PRKCA: variants seen among roughly 807,000 people sequenced by gnomAD.
PRKCA encodes protein kinase C alpha type.
PRKCA carries 27 observed loss-of-function variants against 87.0 expected under a neutral mutation model. The observed-to-expected ratio is 0.31, with a 90% CI of 0.23 to 0.43. The LOEUF (loss-of-function observed/expected upper bound fraction) is 0.43, where lower values mean the gene tolerates loss of function less well. Ranked by LOEUF, PRKCA falls within the 20% of genes least tolerant of loss-of-function variation. The pLI, the probability that PRKCA is intolerant of heterozygous loss-of-function variation, is 1.00. For synonymous variants in PRKCA, 329 were observed against 311.1 expected, an observed-to-expected ratio of 1.06 and a Z score of -0.61; for missense variants, 518 against 852.3, an observed-to-expected ratio of 0.61 and a Z score of 4.88.
intron 3 of PRKCA, among the ~76,000 whole-genome samples, chr17:66,549,095 C>T (rs887894249): frequency 3.0e-4 from 46 of 151,322 alleles, no homozygotes; most frequent in Non-Finnish European, 5.9e-5. Context: ...CATGAGCCAC[C>T]GTGCCGGGCC....
chr17:66,439,821 A>C (rs1426966714), intron 2 of PRKCA, among the ~76,000 whole-genome samples: 3 of 152,180 alleles, frequency 2.0e-5, no homozygotes, highest in Non-Finnish European at 4.4e-5. Context: ...TGTGCATTTT[A>C]CCTTAAGGAC....
At chr17:66,512,523 A>G (rs1025980574) in intron 3 of PRKCA, among the ~76,000 whole-genome samples, 1 of 150,898 alleles carries the variant, frequency 6.6e-6, no homozygotes, top group Admixed American at 6.6e-5. Context: ...CACAAGGCCC[A>G]TCATGATTGT....
chr17:66,584,606 G>A (rs1969537952), intron 3 of PRKCA, among the ~76,000 whole-genome samples: 4 of 152,028 alleles, frequency 2.6e-5, no homozygotes. Flanking sequence ...ATGTCAGGAG[G>A]GCCACACTCC....
At chr17:66,655,863 A>G (rs529649665) in intron 5 of PRKCA, among the ~76,000 whole-genome samples, 4 of 99,920 alleles carry the variant, frequency 4.0e-5, no homozygotes, top group African/African-American at 1.4e-4. Context: ...ATAAAGCCAC[A>G]TGGCTCTGGG....
At chr17:66,591,496 A>G (rs1395055607) in intron 3 of PRKCA, among the ~76,000 whole-genome samples, 1 of 152,184 alleles carries the variant, frequency 6.6e-6, no homozygotes, top group Non-Finnish European at 1.5e-5. Context: ...GGAAACTGTT[A>G]GAACAGAAAA....
chr17:66,457,617 G>T (rs1200300353), intron 2 of PRKCA, among the ~76,000 whole-genome samples: 1 of 152,104 alleles, frequency 6.6e-6, no homozygotes, highest in Non-Finnish European at 1.5e-5. Flanking sequence ...AATCATGGGG[G>T]TAGTTACCTC....
rs370637100 is a variant in PRKCA at position 66,532,684 on chromosome 17, C to T, written c.288+36401C>T. On this transcript the variant is annotated intron_variant, in intron 3 of 16. Transcript: ENST00000413366. Reference sequence around the variant, plus strand: ...CATCCTTGAAGTTTAACTGCAACCCCATCTCCTTCCCTCTTTGCATGGGGT... The same window carrying T: ...CATCCTTGAAGTTTAACTGCAACCCTATCTCCTTCCCTCTTTGCATGGGGT... Among the ~76,000 whole-genome samples the T allele has an allele frequency of 3.2e-4, 49 of 152,240 alleles. No individual in the cohort carries two copies. In the East Asian group the frequency reaches 8.1e-3, roughly 25 times the overall value.
rs552633887 is a variant in PRKCA at position 66,709,301 on chromosome 17, C to CTTTTTTTTTT, written c.918+20272_918+20281dup. The stretch of plus-strand genomic sequence containing the variant: ...AGAGAAGTCTCTTTTGAGATGATTT[C>CTTTTTTTTTT]TTTTTTTTTTTTTTTTTTTTTTTTT... On this transcript the variant is annotated intron_variant, in intron 8 of 16. Coordinates refer to ENST00000413366, the MANE Select transcript of PRKCA (RefSeq NM_002737.3). Among the ~76,000 whole-genome samples the CTTTTTTTTTT allele has an allele frequency of 1.9e-4, 16 of 84,908 alleles. 2 individuals are homozygous for CTTTTTTTTTT. The highest frequency in any genetic ancestry group is 6.3e-4 in the African/African-American group (13 of 20,640). The allele number at this position is 84,908 out of a possible 152,430, so 55.7% of individuals were successfully genotyped here. A position where few individuals can be genotyped will look rare whatever the true frequency, so the allele number is the denominator to read the frequency against.
chr17:66,602,703 G>GTAGC (rs1452368722), intron 3 of PRKCA, among the ~76,000 whole-genome samples: 1 of 152,244 alleles, frequency 6.6e-6, no homozygotes, highest in Admixed American at 6.5e-5. Context: ...ATCTGAACAT[G>GTAGC]TAGCAGGCGT....
intron 2 of PRKCA, among the ~76,000 whole-genome samples, chr17:66,370,671 C>T (rs1054591343): frequency 6.6e-6 from 1 of 150,934 alleles, no homozygotes; most frequent in African/African-American, 2.4e-5. Flanking sequence ...CCACCTCAGA[C>T]TCCCAAGTAG....
intron 2 of PRKCA, among the ~76,000 whole-genome samples, chr17:66,358,340 C>A (rs1908188164): frequency 6.6e-6 from 1 of 152,112 alleles, no homozygotes. Context: ...ACCAGATAAA[C>A]TTAACTGATC....
intron 2 of PRKCA, among the ~76,000 whole-genome samples, chr17:66,395,271 T>G (rs1224848611): frequency 6.6e-6 from 1 of 152,106 alleles, no homozygotes; most frequent in Non-Finnish European, 1.5e-5. Flanking sequence ...GGAATGGAGA[T>G]CCAATGCAAG....
At chr17:66,446,084 G>A (rs1183749895) in intron 2 of PRKCA, among the ~76,000 whole-genome samples, 1 of 152,190 alleles carries the variant, frequency 6.6e-6, no homozygotes, top group Non-Finnish European at 1.5e-5. Flanking sequence ...TAAGTGCTGG[G>A]ATTACAGGCT....
chr17:66,326,118 T>C (rs952708677), intron 2 of PRKCA, among the ~76,000 whole-genome samples: 1 of 152,200 alleles, frequency 6.6e-6, no homozygotes, highest in Non-Finnish European at 1.5e-5. Flanking sequence ...TAATCTTCAC[T>C]AAATGAGGAC....
intron 2 of PRKCA, among the ~76,000 whole-genome samples, chr17:66,446,014 G>C (rs561063667): frequency 6.6e-6 from 1 of 152,038 alleles, no homozygotes; most frequent in Non-Finnish European, 1.5e-5. Flanking sequence ...GGGTTTTGCC[G>C]TGTTGCCCAG....
At chr17:66,668,621 A>G (rs1972098320) in intron 5 of PRKCA, among the ~76,000 whole-genome samples, 2 of 152,236 alleles carry the variant, frequency 1.3e-5, no homozygotes, top group Admixed American at 1.3e-4. Context: ...ATCTTTGGGC[A>G]AATAACACAT....
At chr17:66,785,120 G>T (rs1975347265) in intron 14 of PRKCA, among the ~76,000 whole-genome samples, 1 of 152,150 alleles carries the variant, frequency 6.6e-6, no homozygotes, top group Admixed American at 6.5e-5. Context: ...GCCTCTCTCT[G>T]TCCTCCCACT....
intron 3 of PRKCA, among the ~76,000 whole-genome samples, chr17:66,512,914 A>G (rs1393843129): frequency 6.6e-6 from 1 of 152,064 alleles, no homozygotes; most frequent in Non-Finnish European, 1.5e-5. Flanking sequence ...GCTGATCTAG[A>G]ACTCCTGGCC....
At chr17:66,774,543 C>T in intron 14 of PRKCA, 3 of 810,080 alleles carry the variant, frequency 3.7e-6, no homozygotes, top group Non-Finnish European at 4.5e-6. Context: ...ATTGCTTAAG[C>T]CTGAGAGGCG....
Sources: gnomAD v4.1 joint callset for allele counts (sites outside exome capture counted in the v4.1 genomes callset) on GRCh38, gnomAD v4.1.1 for gene constraint, MANE v1.5 for transcripts, NCBI Gene and HGNC (gene_info 2026-07-23, HGNC 2026-07-21) for gene names.